LRMDA: variants seen among roughly 807,000 people sequenced by gnomAD.
LRMDA encodes leucine-rich melanocyte differentiation-associated protein.
In LRMDA, 18 loss-of-function variants were observed where a neutral mutation model predicts 29.8. That is an observed-to-expected ratio of 0.60 (90% confidence interval 0.42 to 0.90). The LOEUF is 0.90. Ranked by LOEUF, LRMDA falls within the 40% of genes least tolerant of loss-of-function variation. The pLI, the probability that LRMDA is intolerant of heterozygous loss-of-function variation, is 0.00. For missense variants in LRMDA, 273 were observed against 273.9 expected (o/e 1.00, Z 0.02); for synonymous variants, 125 against 109.4 (o/e 1.14, Z -0.89).
intron 3 of LRMDA, 128 bp downstream of exon 3, chr10:76,036,262 A>C (rs1848243753): frequency 1.0e-6 from 1 of 979,036 alleles, no homozygotes; most frequent in African/African-American, 1.7e-5. Context: ...AAAGTATGTG[A>C]AATACAGTTC....
At chr10:76,299,206 A>G (rs1168994268) in intron 5 of LRMDA, among the ~76,000 whole-genome samples, 1 of 146,808 alleles carries the variant, frequency 6.8e-6, no homozygotes, top group African/African-American at 2.6e-5. Context: ...CGCACGCGCA[A>G]TATGTTTTAA....
rs865818597 is a variant in LRMDA at position 75,556,487 on chromosome 10, C to T, written c.131+117993C>T. Among the ~76,000 whole-genome samples, 20 of 152,272 alleles carry T rather than the reference C, an allele frequency of 1.3e-4. No homozygotes were observed. In the South Asian group the frequency reaches 2.5e-3, roughly 19 times the overall value. ...CTAAGATGATTAATCGTCACATCTGCGTGCCAGGAACAGGTAAAGGAGGTT... is the reference window on the plus strand; with the variant it reads ...CTAAGATGATTAATCGTCACATCTGTGTGCCAGGAACAGGTAAAGGAGGTT... On this transcript the variant is annotated intron_variant, in intron 2 of 6. Coordinates refer to ENST00000611255, the MANE Select transcript of LRMDA (RefSeq NM_001305581.2).
At chr10:76,294,834 C>A (rs572965558) in intron 5 of LRMDA, among the ~76,000 whole-genome samples, 1 of 152,264 alleles carries the variant, frequency 6.6e-6, no homozygotes, top group East Asian at 1.9e-4. Flanking sequence ...TATATACCAG[C>A]GTAGACTATA....
Position 75,607,824 on chromosome 10 carries a change from GTTTTTTTTTTT to G in LRMDA, c.131+169345_131+169355del, listed in dbSNP as rs5786180. ...CACTCCTGGAGATTTTGATTCAGTG[GTTTTTTTTTTT>G]TTTTTTTTTTTTTTGGAGCCCAAGA... is the stretch of plus-strand genomic sequence containing the variant. On this transcript the variant is annotated intron_variant, in intron 2 of 6. Transcript: ENST00000611255. 5.1e-3 allele frequency among the ~76,000 whole-genome samples: 367 copies of G among 72,322 alleles called. 3 individuals are homozygous for G. Among genetic ancestry groups the G allele is most frequent in the African/African-American group, 0.018 (344 of 18,652 alleles). 47.4% of individuals were successfully genotyped at this position (72,322 alleles called of 152,430 possible).
intron 5 of LRMDA, among the ~76,000 whole-genome samples, chr10:76,303,083 TA>T (rs1840502100): frequency 6.6e-6 from 1 of 152,202 alleles, no homozygotes; most frequent in South Asian, 2.1e-4. Flanking sequence ...TCCTGTGCTT[TA>T]AGTAGCTGCA....
intron 2 of LRMDA, among the ~76,000 whole-genome samples, chr10:75,464,003 T>C (rs796356647): frequency 1.5e-4 from 23 of 151,170 alleles, no homozygotes; most frequent in African/African-American, 4.6e-4. Context: ...GGTTTCTCCA[T>C]GTTGGCAAGG....
intron 6 of LRMDA, among the ~76,000 whole-genome samples, chr10:76,448,062 A>G (rs559836646): frequency 1.3e-5 from 2 of 152,294 alleles, no homozygotes; most frequent in Admixed American, 1.3e-4. Flanking sequence ...GTTTATTTTG[A>G]TAGTAAAAGA....
At chr10:75,932,982 T>C (rs1169718994) in intron 2 of LRMDA, among the ~76,000 whole-genome samples, 1 of 152,224 alleles carries the variant, frequency 6.6e-6, no homozygotes, top group Non-Finnish European at 1.5e-5. Context: ...GAATCAGTAT[T>C]AATTCTTCAG....
At chr10:76,335,842 C>T (rs896776323) in intron 6 of LRMDA, among the ~76,000 whole-genome samples, 1 of 152,146 alleles carries the variant, frequency 6.6e-6, no homozygotes, top group African/African-American at 2.4e-5. Flanking sequence ...GTAAATATTT[C>T]TTATCAGACT....
intron 6 of LRMDA, among the ~76,000 whole-genome samples, chr10:76,509,084 T>C (rs918441112): frequency 2.4e-4 from 37 of 152,162 alleles, no homozygotes; most frequent in African/African-American, 8.9e-4. Context: ...TGTTCCATAG[T>C]GGATACTCAA....
chr10:76,149,420 T>C (rs953899005), intron 5 of LRMDA, among the ~76,000 whole-genome samples: 1 of 152,200 alleles, frequency 6.6e-6, no homozygotes, highest in Non-Finnish European at 1.5e-5. Flanking sequence ...TTTTCAGTGT[T>C]TCCATTTCCT....
intron 6 of LRMDA, among the ~76,000 whole-genome samples, chr10:76,550,674 G>C (rs1005651377): frequency 7.2e-5 from 11 of 151,968 alleles, no homozygotes; most frequent in Admixed American, 6.6e-4. Flanking sequence ...CCCTCCCCTG[G>C]GTAAGGTGTA....
At chr10:76,410,075 C>A (rs1275245992) in intron 6 of LRMDA, among the ~76,000 whole-genome samples, 1 of 151,834 alleles carries the variant, frequency 6.6e-6, no homozygotes, top group Non-Finnish European at 1.5e-5. Context: ...GGGGGAACAG[C>A]ATGTATAATG....
At chr10:75,607,294 G>C (rs543734431) in intron 2 of LRMDA, among the ~76,000 whole-genome samples, 1 of 152,314 alleles carries the variant, frequency 6.6e-6, no homozygotes, top group South Asian at 2.1e-4. Flanking sequence ...CGATAGGAAA[G>C]TAAATGCTTG....
chr10:75,945,086 C>T (rs1846454653), intron 2 of LRMDA, among the ~76,000 whole-genome samples: 1 of 152,126 alleles, frequency 6.6e-6, no homozygotes, highest in South Asian at 2.1e-4. Flanking sequence ...GTAGACAATA[C>T]ATTGTATAGA....
intron 2 of LRMDA, among the ~76,000 whole-genome samples, chr10:75,825,726 G>T (rs888203454): frequency 6.6e-6 from 1 of 152,154 alleles, no homozygotes; most frequent in African/African-American, 2.4e-5. Context: ...ATTACTATTC[G>T]AGTTGACATT....
At chr10:76,358,829 C>T (rs1360131830) in intron 6 of LRMDA, among the ~76,000 whole-genome samples, 4 of 152,160 alleles carry the variant, frequency 2.6e-5, no homozygotes, top group Admixed American at 6.5e-5. Flanking sequence ...TCCATCTAAT[C>T]GCAGCTGTCT....
At chr10:76,006,529 C>G (rs745567179) in intron 2 of LRMDA, among the ~76,000 whole-genome samples, 1 of 152,108 alleles carries the variant, frequency 6.6e-6, no homozygotes, top group Non-Finnish European at 1.5e-5. Context: ...CTCTGCAGAG[C>G]GAAGCTCCAA....
chr10:75,847,697 T>G (rs1564585140), intron 2 of LRMDA, among the ~76,000 whole-genome samples: 1 of 152,082 alleles, frequency 6.6e-6, no homozygotes, highest in Admixed American at 6.6e-5. Flanking sequence ...TGAATAGAAG[T>G]TCTCCAAAGA....
Sources: gnomAD v4.1 joint callset for allele counts (sites outside exome capture counted in the v4.1 genomes callset) on GRCh38, gnomAD v4.1.1 for gene constraint, MANE v1.5 for transcripts, NCBI Gene and HGNC (gene_info 2026-07-23, HGNC 2026-07-21) for gene names.